GRM1: variants seen among roughly 807,000 people sequenced by gnomAD.
The protein encoded by GRM1 is metabotropic glutamate receptor 1.
In GRM1, 33 loss-of-function variants were observed where a neutral mutation model predicts 90.9. The observed-to-expected ratio is 0.36, with a 90% CI of 0.28 to 0.49. The LOEUF (loss-of-function observed/expected upper bound fraction) is 0.49. GRM1 is among the 20% of genes least tolerant of loss of function. The probability of loss-of-function intolerance (pLI) is 0.99; values close to 1 mark genes in which losing one functional copy is unlikely to be tolerated. For missense variants in GRM1, 1,190 were observed against 1,534.3 expected (o/e 0.78, Z 3.75); for synonymous variants, 700 against 613.2 (o/e 1.14, Z -2.09).
chr6:146,340,523 G>A (rs149240301), intron 3 of GRM1: 57 of 152,388 alleles, frequency 3.7e-4, no homozygotes, highest in African/African-American at 1.2e-3. Context: ...CAGAGCATGG[G>A]ACCAAAGCCA....
chr6:146,087,440 T>TTGTGTG (rs946677149), intron 1 of GRM1, among the ~76,000 whole-genome samples: 2 of 152,046 alleles, frequency 1.3e-5, no homozygotes, highest in Non-Finnish European at 2.9e-5. Context: ...TTACGTGCAC[T>TTGTGTG]TGTGTGTGTG....
intron 5 of GRM1, among the ~76,000 whole-genome samples, chr6:146,360,626 G>A (rs1338901821): frequency 6.6e-6 from 1 of 152,164 alleles, no homozygotes; most frequent in African/African-American, 2.4e-5. Flanking sequence ...TGAAGTGGGA[G>A]AGTGAGGGCA....
At chr6:146,267,134 T>C (rs916802121) in intron 2 of GRM1, among the ~76,000 whole-genome samples, 2 of 152,190 alleles carry the variant, frequency 1.3e-5, no homozygotes, top group East Asian at 1.9e-4. Context: ...TGAGAACATA[T>C]GGAATTTGGT....
At chr6:146,049,786 T>C (rs1029690473) in intron 1 of GRM1, among the ~76,000 whole-genome samples, 1 of 151,816 alleles carries the variant, frequency 6.6e-6, no homozygotes, top group Non-Finnish European at 1.5e-5. Flanking sequence ...GGCAGTACCA[T>C]GGAGTGAGTA....
intron 2 of GRM1, among the ~76,000 whole-genome samples, chr6:146,222,981 G>A (rs149174199): frequency 3.4e-4 from 51 of 152,038 alleles, no homozygotes; most frequent in Non-Finnish European, 5.4e-4. Flanking sequence ...ATATTAGAGC[G>A]TAGGAAAGAT....
intron 3 of GRM1, among the ~76,000 whole-genome samples, chr6:146,320,909 CA>C (rs1211855113): frequency 1.3e-5 from 2 of 151,754 alleles, no homozygotes. Flanking sequence ...TTAATCTTTT[CA>C]AAAAAGCACC....
At chr6:146,324,865 A>G (rs2114979807) in intron 3 of GRM1, among the ~76,000 whole-genome samples, 1 of 152,336 alleles carries the variant, frequency 6.6e-6, no homozygotes, top group African/African-American at 2.4e-5. Flanking sequence ...CACTGTTCCC[A>G]TTCGGCCATC....
intron 1 of GRM1, among the ~76,000 whole-genome samples, chr6:146,152,821 C>T (rs913889820): frequency 2.6e-5 from 4 of 152,118 alleles, no homozygotes; most frequent in Non-Finnish European, 4.4e-5. Flanking sequence ...AGAAAATATG[C>T]AGCTCTCTAC....
At chr6:146,151,480 A>G (rs1226590537) in intron 1 of GRM1, among the ~76,000 whole-genome samples, 1 of 152,136 alleles carries the variant, frequency 6.6e-6, no homozygotes, top group African/African-American at 2.4e-5. Flanking sequence ...TATCCTCAAT[A>G]TTTTAGGAGT....
intron 2 of GRM1, among the ~76,000 whole-genome samples, chr6:146,203,042 A>T (rs1779363551): frequency 6.6e-6 from 1 of 151,704 alleles, no homozygotes; most frequent in Non-Finnish European, 1.5e-5. Flanking sequence ...AAAATACAAA[A>T]AATTAGCCGG....
chr6:146,311,764 C>T lies in GRM1; in HGVS notation c.1186+6918C>T, dbSNP rs138275114. 7.9e-5 allele frequency among the ~76,000 whole-genome samples: 12 copies of T among 152,112 alleles called. No homozygotes were observed. The East Asian group carries it at 9.7e-4, about 12-fold the overall frequency. The stretch of plus-strand genomic sequence containing the variant: ...ATACATGAGTAACAGCATGAACTTA[C>T]AAATTGTGAAAAAAAATACTTTTGG... On this transcript the variant is annotated intron_variant, in intron 3 of 7. Transcript: ENST00000282753.
intron 1 of GRM1, among the ~76,000 whole-genome samples, chr6:146,127,801 A>G (rs1018988312): frequency 6.6e-6 from 1 of 152,190 alleles, no homozygotes; most frequent in African/African-American, 2.4e-5. Context: ...GTCTATTGAT[A>G]TGTAACAAAT....
chr6:146,139,437 T>C (rs1384124001), intron 1 of GRM1, among the ~76,000 whole-genome samples: 1 of 152,198 alleles, frequency 6.6e-6, no homozygotes, highest in African/African-American at 2.4e-5. Flanking sequence ...ATTATTGTAC[T>C]GGAATCAATC....
chr6:146,178,230 C>T (rs1365175320), intron 2 of GRM1, among the ~76,000 whole-genome samples: 2 of 152,116 alleles, frequency 1.3e-5, no homozygotes, highest in Non-Finnish European at 2.9e-5. Flanking sequence ...TTGAGGAGTA[C>T]TGGTCTGGTA....
intron 6 of GRM1, 72 bp downstream of exon 6, chr6:146,387,088 GA>G (rs1289632061): frequency 1.4e-6 from 2 of 1,382,522 alleles, no homozygotes; most frequent in Non-Finnish European, 2.1e-6. Context: ...CCTCAAATGA[GA>G]ATGATTAGCT....
chr6:146,337,347 T>G (rs1187328329), intron 3 of GRM1, among the ~76,000 whole-genome samples: 2 of 152,220 alleles, frequency 1.3e-5, no homozygotes, highest in Non-Finnish European at 1.5e-5. Context: ...CCACTTTTAA[T>G]TTTTTAAAAA....
rs759510081 is a variant in GRM1, at chr6:146,357,536, A to T, written c.1444A>T (p.Met482Leu). The part of the protein sequence containing the change: ...KGDAPGRYDI[M>L]NLQYTEANRY... ...TTGTGCTCTTTGTAGGTATGATATCATGAATCTGCAGTACACTGAAGCTAA... is the reference window on the plus strand; with the variant it reads ...TTGTGCTCTTTGTAGGTATGATATCTTGAATCTGCAGTACACTGAAGCTAA... The change falls in exon 5 of 8, where the codon ATG becomes TTG. Residue 482 changes from methionine to leucine, a missense_variant. This residue lies in a region of GRM1 where 414 missense variants were observed against 598.4 expected (regional missense o/e 0.69). Transcript: ENST00000282753. The T allele has an allele frequency of 6.2e-7, 1 of 1,612,898 alleles. No individual in the cohort carries two copies. Among genetic ancestry groups the T allele is most frequent in the South Asian group, 1.1e-5 (1 of 91,062 alleles).
chr6:146,432,782 C>G (rs745552120), intron 7 of GRM1, among the ~76,000 whole-genome samples: 2 of 152,166 alleles, frequency 1.3e-5, no homozygotes, highest in Non-Finnish European at 2.9e-5. Context: ...AGAAAAGAAG[C>G]TGAGTCCAGA....
intron 2 of GRM1, among the ~76,000 whole-genome samples, chr6:146,303,852 G>A (rs748420632): frequency 6.6e-6 from 1 of 152,074 alleles, no homozygotes; most frequent in African/African-American, 2.4e-5. Flanking sequence ...ACCCTCATAG[G>A]CCTGGCTCAC....
Sources: gnomAD v4.1 joint callset for allele counts (sites outside exome capture counted in the v4.1 genomes callset) on GRCh38, gnomAD v4.1.1 for gene constraint, gnomAD v4.1.1 regional missense constraint, MANE v1.5 for transcripts, NCBI Gene and HGNC (gene_info 2026-07-23, HGNC 2026-07-21) for gene names.